CDK12: variants seen among roughly 807,000 people sequenced by gnomAD.
The protein encoded by CDK12 is cyclin dependent kinase 12, also known as cyclin-dependent kinase 12.
A neutral mutation model predicts 133.8 loss-of-function variants in CDK12; 17 were observed. The observed-to-expected ratio is 0.13, with a 90% confidence interval of 0.09 to 0.19. CDK12 has a LOEUF of 0.19. Among genes scored for constraint, CDK12 ranks in the 10% least tolerant of loss-of-function variants. The pLI is 1.00. For missense variants in CDK12, 1,508 were observed against 1,818.7 expected (o/e 0.83, Z 3.11); for synonymous variants, 694 against 683.6 (o/e 1.02, Z -0.24).
chr17:39,519,880 C>T, intron 10 of CDK12, 76 bp from the exon 11 acceptor site: 1 of 1,565,052 alleles, frequency 6.4e-7, no homozygotes, highest in African/African-American at 1.3e-5. Context: ...AGGTGTGAGA[C>T]CCTTTGAAAC....
Position 39,483,320 on chromosome 17 carries a change from A to G in CDK12, c.1932-7237A>G, listed in dbSNP as rs1208403737. Reference sequence around the variant, plus strand: ...CCCTTTGTCGCCCATGCTGGAGTTCAGTGGCCTGTGCACAGCTCACAGTAT... The same window carrying G: ...CCCTTTGTCGCCCATGCTGGAGTTCGGTGGCCTGTGCACAGCTCACAGTAT... On this transcript the variant is annotated intron_variant, in intron 2 of 13. Transcript: ENST00000447079. 4.0e-5 allele frequency among the ~76,000 whole-genome samples: 6 copies of G among 151,572 alleles called. No individual in the cohort carries two copies. The East Asian group carries it at 1.2e-3, about 29-fold the overall frequency.
chr17:39,467,225 C>T (rs941743362), intron 1 of CDK12, among the ~76,000 whole-genome samples: 1 of 152,116 alleles, frequency 6.6e-6, no homozygotes, highest in African/African-American at 2.4e-5. Context: ...GATCTGCCTG[C>T]CTCAGCCTCC....
chr17:39,477,253 C>T (rs1597960606), intron 2 of CDK12, among the ~76,000 whole-genome samples: 1 of 149,498 alleles, frequency 6.7e-6, no homozygotes, highest in South Asian at 2.1e-4. Context: ...GTTGCCCAGG[C>T]TGGAGTGAGT....
chr17:39,557,239 T>A (rs1476942822), intron 3 of CDK12, among the ~76,000 whole-genome samples: 17 of 152,160 alleles, frequency 1.1e-4, no homozygotes, highest in Non-Finnish European at 1.5e-5. Flanking sequence ...CTGAGTCTGG[T>A]GGGAGAAACT....
At chr17:39,483,763 G>A (rs898285802) in intron 2 of CDK12, among the ~76,000 whole-genome samples, 2 of 149,348 alleles carry the variant, frequency 1.3e-5, no homozygotes, top group African/African-American at 4.9e-5. Flanking sequence ...CTCATGATCC[G>A]CCTACCTTGG....
At chr17:39,547,316 A>G (rs1269559007), upstream of CDK12, among the ~76,000 whole-genome samples, 5 of 151,956 alleles carry the variant, frequency 3.3e-5, no homozygotes, top group Admixed American at 3.3e-4. Flanking sequence ...TTGTATTTTT[A>G]TTAGAGATGG....
Position 39,530,890 on chromosome 17 carries a change from T to G in CDK12, c.4047T>G (p.Ser1349Arg), listed in dbSNP as rs1370584402. ...CTGATGGGCCTGAAACAGGGTTCAG[T>G]GCCATTGACACTGATGAACGAAACT... Reference protein sequence around the residue: ...GNTDGPETGFSAIDTDERNSG... With the variant: ...GNTDGPETGFRAIDTDERNSG... Residue 1349 changes from serine to arginine, a missense_variant, in exon 14 of 14, where the codon AGT becomes AGG. Physicochemically the swap from Ser to Arg is moderately radical, Grantham distance 110 (BLOSUM62 -1). This residue lies in a region of CDK12 where 399 missense variants were observed against 469.6 expected (regional missense o/e 0.85). Coordinates refer to ENST00000447079, the MANE Select transcript of CDK12 (RefSeq NM_016507.4). 6.2e-7 allele frequency: 1 copy of G among 1,614,144 alleles called. No homozygotes were observed. The highest frequency in any genetic ancestry group is 1.6e-4 in the Middle Eastern group (1 of 6,062).
chr17:39,470,260 A>G (rs1427554468), intron 1 of CDK12, among the ~76,000 whole-genome samples: 1 of 151,620 alleles, frequency 6.6e-6, no homozygotes, highest in Non-Finnish European at 1.5e-5. Context: ...AGCTGGGACT[A>G]CAGGTGCCTG....
Position 39,462,084 on chromosome 17 carries a change from G to C in CDK12, c.13G>C (p.Glu5Gln). The change falls in exon 1 of 14, where the codon GAG becomes CAG. Residue 5 changes from glutamate to glutamine, a missense_variant. Around this residue, in one of 9 missense-constraint regions of CDK12, gnomAD observed 460 missense variants for 490.8 expected, o/e 0.94. Coordinates refer to ENST00000447079, the MANE Select transcript of CDK12 (RefSeq NM_016507.4). MPNS[E>Q]RHGGKKDGSG... ...CAGGGGAAAGGGAATGCCCAATTCA[G>C]AGAGACATGGGGGCAAGAAGGACGG... is the stretch of plus-strand genomic sequence containing the variant. 6.2e-7 allele frequency: 1 copy of C among 1,613,826 alleles called. No homozygotes were observed. The highest frequency in any genetic ancestry group is 8.5e-7 in the Non-Finnish European group (1 of 1,179,764).
rs770406806 is a variant in CDK12, at chr17:39,492,796, C to G, written c.2154C>G (p.Asp718Glu). 1 of 1,612,846 alleles carries G rather than the reference C, an allele frequency of 6.2e-7. No homozygotes were observed. Among genetic ancestry groups the G allele is most frequent in the Non-Finnish European group, 8.5e-7 (1 of 1,179,274 alleles). The part of the protein sequence containing the change: ...RYGERRQTES[D>E]WGKRCVDKFD... ...GAGAAAGAAGACAAACAGAAAGCGA[C>G]TGGGGGAAACGCTGTGTGGACAAGT... The change falls in exon 4 of 14, where the codon GAC becomes GAG. Residue 718 changes from aspartate to glutamate, a missense_variant. Coordinates refer to ENST00000447079, the MANE Select transcript of CDK12 (RefSeq NM_016507.4).
chr17:39,544,264 G>A (rs559177086), upstream of CDK12: 4 of 487,292 alleles, frequency 8.2e-6, no homozygotes, highest in South Asian at 6.2e-5. Flanking sequence ...AGCAACGGTG[G>A]GAATGCCCTC....
chr17:39,492,082 C>T (rs1293529721), intron 3 of CDK12, among the ~76,000 whole-genome samples: 1 of 146,492 alleles, frequency 6.8e-6, no homozygotes, highest in African/African-American at 2.5e-5. Context: ...TTCTTTGACT[C>T]GATTTCATTT....
In CDK12 at chr17:39,461,940, C is replaced by G; in HGVS notation, c.-132C>G. On this transcript the variant is annotated 5_prime_UTR_variant, in exon 1 of 14. Transcript: ENST00000447079. The stretch of plus-strand genomic sequence containing the variant: ...CGGGAGGGAGGAGGAGCCTGGGCTA[C>G]CGTCCCTGCCCTCCCCACCCCCTTC... 1 of 683,414 alleles carries G rather than the reference C, an allele frequency of 1.5e-6. No homozygotes were observed. Among genetic ancestry groups the G allele is most frequent in the East Asian group, 2.7e-5 (1 of 36,726 alleles). 42.3% of individuals were successfully genotyped at this position (683,414 alleles called of 1,614,324 possible).
At chr17:39,558,497 T>G (rs1467023630) in intron 3 of CDK12, among the ~76,000 whole-genome samples, 1 of 152,228 alleles carries the variant, frequency 6.6e-6, no homozygotes, top group Non-Finnish European at 1.5e-5. Context: ...TTTTAAAGTA[T>G]GTTTAAAGCC....
In CDK12 at chr17:39,462,360, G is replaced by C. The variant is rs2144864490; in HGVS notation, c.289G>C (p.Asp97His). 6.2e-7 allele frequency: 1 copy of C among 1,614,206 alleles called. No homozygotes were observed. Among genetic ancestry groups the C allele is most frequent in the Non-Finnish European group, 8.5e-7 (1 of 1,180,046 alleles). The change falls in exon 1 of 14, where the codon GAC becomes CAC. Residue 97 changes from aspartate (D) to histidine (H), a missense_variant. Physicochemically the swap from Asp to His is moderately conservative, Grantham distance 81. This residue lies in a region of CDK12 where 460 missense variants were observed against 490.8 expected (regional missense o/e 0.94). Coordinates refer to ENST00000447079, the MANE Select transcript of CDK12 (RefSeq NM_016507.4). Reference protein sequence around the residue: ...MAFKLDRRENDERRGSDRSDR... With the variant: ...MAFKLDRRENHERRGSDRSDR... ...CTTCAAACTAGACCGAAGGGAGAACGACGAACGTCGTGGATCAGATCGGAG... is the reference window on the plus strand; with the variant it reads ...CTTCAAACTAGACCGAAGGGAGAACCACGAACGTCGTGGATCAGATCGGAG...
intron 2 of CDK12, among the ~76,000 whole-genome samples, chr17:39,483,415 C>G (rs2145635692): frequency 6.6e-6 from 1 of 152,048 alleles, no homozygotes; most frequent in Non-Finnish European, 1.5e-5. Flanking sequence ...CAGGCACGTG[C>G]CATCATGCCT....
intron 5 of CDK12, among the ~76,000 whole-genome samples, chr17:39,499,278 G>C (rs2052538445): frequency 3.4e-5 from 5 of 145,744 alleles, no homozygotes; most frequent in Admixed American, 2.8e-4. Context: ...CGCTGTCTTG[G>C]CTCACTGCAA....
chr17:39,557,309 C>G (rs2056196402), intron 3 of CDK12, among the ~76,000 whole-genome samples: 1 of 152,174 alleles, frequency 6.6e-6, no homozygotes, highest in Admixed American at 6.6e-5. Flanking sequence ...CTGGGTCATT[C>G]TCTAAGCTGG....
At chr17:39,470,263 G>C (rs9747574) in intron 1 of CDK12, among the ~76,000 whole-genome samples, 7,771 of 151,794 alleles carry the variant, frequency 0.051, 648 homozygotes, top group African/African-American at 0.18. Flanking sequence ...TGGGACTACA[G>C]GTGCCTGCCA....
Sources: gnomAD v4.1 joint callset for allele counts (sites outside exome capture counted in the v4.1 genomes callset) on GRCh38, gnomAD v4.1.1 for gene constraint, gnomAD v4.1.1 regional missense constraint, MANE v1.5 for transcripts, NCBI Gene and HGNC (gene_info 2026-07-23, HGNC 2026-07-21) for gene names.